GABBR2: variants seen among roughly 807,000 people sequenced by gnomAD.
GABBR2 encodes the protein G-protein coupled receptor 51.
A neutral mutation model predicts 105.6 loss-of-function variants in GABBR2; 23 were observed. That is an observed-to-expected ratio of 0.22 (90% CI 0.16 to 0.31). GABBR2 has a LOEUF of 0.31. Ranked by LOEUF, GABBR2 falls within the 10% of genes least tolerant of loss-of-function variation. GABBR2 has a pLI of 1.00. For missense variants in GABBR2, 734 were observed against 1,245.5 expected, an observed-to-expected ratio of 0.59 and a Z score of 6.18; for synonymous variants, 478 against 499.7, an observed-to-expected ratio of 0.96 and a Z score of 0.58.
intron 1 of GABBR2, among the ~76,000 whole-genome samples, chr9:98,632,334 T>C (rs1411420882): frequency 6.6e-6 from 1 of 152,200 alleles, no homozygotes; most frequent in African/African-American, 2.4e-5. Flanking sequence ...AGATAATGTA[T>C]GTAAAATGTC....
At chr9:98,482,285 A>C (rs1004999318) in intron 4 of GABBR2, among the ~76,000 whole-genome samples, 1 of 152,248 alleles carries the variant, frequency 6.6e-6, no homozygotes, top group Non-Finnish European at 1.5e-5. Flanking sequence ...AAAATAAAGA[A>C]GGCCTGGATT....
intron 2 of GABBR2, among the ~76,000 whole-genome samples, chr9:98,567,764 C>T (rs1828771825): frequency 6.6e-6 from 1 of 152,172 alleles, no homozygotes; most frequent in South Asian, 2.1e-4. Context: ...GCTAATTCGC[C>T]TAAGTTCCCT....
At chr9:98,661,160 C>T (rs546320721) in intron 1 of GABBR2, among the ~76,000 whole-genome samples, 6 of 152,156 alleles carry the variant, frequency 3.9e-5, no homozygotes, top group Non-Finnish European at 5.9e-5. Flanking sequence ...CACTCACCTC[C>T]GCCTCCCATA....
At chr9:98,448,655 C>T (rs558465379) in intron 7 of GABBR2, among the ~76,000 whole-genome samples, 4 of 151,982 alleles carry the variant, frequency 2.6e-5, no homozygotes, top group East Asian at 3.9e-4. Context: ...TAGGCTCAAG[C>T]GATCCACCCA....
At chr9:98,579,495 C>T (rs1828970240) in intron 1 of GABBR2, among the ~76,000 whole-genome samples, 1 of 152,198 alleles carries the variant, frequency 6.6e-6, no homozygotes. Context: ...TGGGCAAGTT[C>T]AACCCCTCCA....
chr9:98,420,310 T>C (rs541920995), intron 7 of GABBR2, among the ~76,000 whole-genome samples: 10 of 152,192 alleles, frequency 6.6e-5, no homozygotes, highest in African/African-American at 2.4e-4. Flanking sequence ...ACCTGGAGCC[T>C]CGCCTAACTG....
intron 2 of GABBR2, among the ~76,000 whole-genome samples, chr9:98,559,725 G>A (rs1286674860): frequency 7.9e-5 from 12 of 152,072 alleles, no homozygotes; most frequent in Admixed American, 7.9e-4. Context: ...TGGCACAAAT[G>A]TGACAATGTG....
At chr9:98,480,816 G>C in intron 5 of GABBR2, 116 bp downstream of exon 5, 2 of 716,204 alleles carry the variant, frequency 2.8e-6, no homozygotes, top group South Asian at 3.1e-5. Flanking sequence ...CTGCTTCCAG[G>C]AACCCAGGCT....
At chr9:98,543,185 C>A (rs1588220668) in intron 2 of GABBR2, among the ~76,000 whole-genome samples, 1 of 152,088 alleles carries the variant, frequency 6.6e-6, no homozygotes, top group African/African-American at 2.4e-5. Flanking sequence ...CCTTCCATAA[C>A]ACTTCCTCTG....
At chr9:98,544,029 C>T (rs1828357777) in intron 2 of GABBR2, among the ~76,000 whole-genome samples, 1 of 151,988 alleles carries the variant, frequency 6.6e-6, no homozygotes, top group Non-Finnish European at 1.5e-5. Context: ...TCCCTCCCTC[C>T]CTCCCTCCTT....
intron 1 of GABBR2, among the ~76,000 whole-genome samples, chr9:98,703,633 C>T (rs1369924380): frequency 6.6e-6 from 1 of 152,006 alleles, no homozygotes; most frequent in African/African-American, 2.4e-5. Context: ...GCTGGGACCA[C>T]AGGCACATAC....
chr9:98,325,858 A>C (rs1384199522), intron 13 of GABBR2, among the ~76,000 whole-genome samples: 1 of 152,190 alleles, frequency 6.6e-6, no homozygotes, highest in African/African-American at 2.4e-5. Flanking sequence ...GTTCTCACAC[A>C]TATACATGCA....
chr9:98,614,695 A>G (rs941871808), intron 1 of GABBR2, among the ~76,000 whole-genome samples: 32 of 151,958 alleles, frequency 2.1e-4, no homozygotes, highest in African/African-American at 7.5e-4. Context: ...GAGATGAGAA[A>G]CATAGAACTA....
intron 6 of GABBR2, among the ~76,000 whole-genome samples, chr9:98,466,877 A>C (rs1384319424): frequency 1.3e-5 from 2 of 152,220 alleles, no homozygotes; most frequent in East Asian, 3.8e-4. Context: ...TCCCCAGGGT[A>C]ATAAGGGATC....
intron 13 of GABBR2, among the ~76,000 whole-genome samples, chr9:98,338,871 A>G (rs1309179738): frequency 6.6e-6 from 1 of 152,270 alleles, no homozygotes; most frequent in African/African-American, 2.4e-5. Flanking sequence ...TCAAGAGTTG[A>G]AACAACCAAA....
intron 3 of GABBR2, among the ~76,000 whole-genome samples, chr9:98,539,891 G>GA (rs1828256101): frequency 6.7e-6 from 1 of 148,610 alleles, no homozygotes; most frequent in Non-Finnish European, 1.5e-5. Flanking sequence ...ACTCCAGCCT[G>GA]GTGACAGAGT....
intron 13 of GABBR2, among the ~76,000 whole-genome samples, chr9:98,337,438 G>A (rs963524265): frequency 1.3e-5 from 2 of 152,102 alleles, no homozygotes; most frequent in African/African-American, 2.4e-5. Context: ...TCAAATCAAC[G>A]CTTATGAAAA....
rs376761319 is a variant in GABBR2 at position 98,667,663 on chromosome 9, T to G, written c.321+40754A>C. Among the ~76,000 whole-genome samples the G allele has an allele frequency of 2.6e-4, 40 of 152,328 alleles. 2 individuals carry two copies. In the South Asian group the frequency reaches 8.1e-3, roughly 31 times the overall value. On this transcript the variant is annotated intron_variant, in intron 1 of 18. Coordinates refer to ENST00000259455, the MANE Select transcript of GABBR2 (RefSeq NM_005458.8). ...GTGCTGTGTGGCAGTTCAATCTCTC[T>G]GTGCCCAATCCTGCTTCCCTCTCTC...
intron 12 of GABBR2, among the ~76,000 whole-genome samples, chr9:98,363,091 T>C (rs928295657): frequency 5.3e-5 from 8 of 152,214 alleles, no homozygotes; most frequent in Admixed American, 2.0e-4. Flanking sequence ...TCCTAGTCCC[T>C]GGCCGAGCTG....
Sources: allele counts gnomAD v4.1 joint callset (sites outside exome capture counted in the v4.1 genomes callset), GRCh38; gene constraint gnomAD v4.1.1; transcripts MANE v1.5; gene names NCBI Gene and HGNC (gene_info 2026-07-23, HGNC 2026-07-21).